Variants in POLN observed in about 807,000 individuals in gnomAD.
POLN encodes the protein DNA polymerase nu, also known as DNA polymerase N.
A neutral mutation model predicts 113.5 loss-of-function variants in POLN; 108 were observed. The observed-to-expected ratio is 0.95, with a 90% CI of 0.81 to 1.12. The LOEUF (loss-of-function observed/expected upper bound fraction) is 1.12. Among genes scored for constraint, POLN ranks in the 50% most tolerant of loss-of-function variants. POLN has a pLI of 0.00. For missense variants in POLN, 1,097 were observed against 1,077.1 expected (o/e 1.02, Z -0.26); for synonymous variants, 386 against 391.5 (o/e 0.99, Z 0.17).
At chr4:2,125,041 GGGCAAT>G in intron 19 of POLN, among the ~76,000 whole-genome samples, 1 of 152,184 alleles carries the variant, frequency 6.6e-6, no homozygotes, top group Non-Finnish European at 1.5e-5. Context: ...GTTATATTTA[GGGCAAT>G]CCTAAAGCAG....
chr4:2,104,115 GACAA>G lies in POLN; in HGVS notation c.1983-8186_1983-8183del, dbSNP rs1730991089. On this transcript the variant is annotated intron_variant, in intron 19 of 25. Transcript: ENST00000511885. ...CTACAGAATTTCACCAAACCACAAT[GACAA>G]ACAGAGAAAATGAAAGAAACAAATA... is the stretch of plus-strand genomic sequence containing the variant. Among the ~76,000 whole-genome samples the G allele has an allele frequency of 3.9e-5, 6 of 152,252 alleles. 1 individual carries two copies. The South Asian group carries it at 6.2e-4, about 16-fold the overall frequency.
chr4:2,216,265 G>A (rs371204617), intron 3 of POLN, among the ~76,000 whole-genome samples: 1 of 152,358 alleles, frequency 6.6e-6, no homozygotes, highest in Non-Finnish European at 1.5e-5. Context: ...TTTTCCCTTT[G>A]AGAGTCAAGA....
intron 2 of POLN, 90 bp downstream of exon 2, chr4:2,241,430 G>A (rs1357199877): frequency 1.1e-6 from 1 of 903,826 alleles, no homozygotes. Context: ...AAGCCACCAG[G>A]AGGCTAGGCA....
At chr4:2,141,302 G>A (rs1471195000) in intron 16 of POLN, among the ~76,000 whole-genome samples, 1 of 152,216 alleles carries the variant, frequency 6.6e-6, no homozygotes, top group Non-Finnish European at 1.5e-5. Context: ...CTTGGTCAGT[G>A]TGGCATTCAC....
chr4:2,130,310 G>A (rs1731693898), intron 17 of POLN, among the ~76,000 whole-genome samples: 1 of 148,408 alleles, frequency 6.7e-6, no homozygotes, highest in African/African-American at 2.5e-5. Flanking sequence ...GGGAGGGGAG[G>A]GGAGGGGAGA....
chr4:2,143,446 C>CA (rs1561034875), intron 16 of POLN, among the ~76,000 whole-genome samples: 1 of 152,104 alleles, frequency 6.6e-6, no homozygotes, highest in African/African-American at 2.4e-5. Flanking sequence ...ACAACTTAGA[C>CA]AAAATGGACC....
intron 20 of POLN, chr4:2,089,153 C>A: frequency 7.4e-7 from 1 of 1,354,056 alleles, no homozygotes; most frequent in South Asian, 1.3e-5. Context: ...ATATTTGAAT[C>A]TATTCCAGGA....
chr4:2,076,022 G>A (rs1466652165), intron 23 of POLN, among the ~76,000 whole-genome samples: 3 of 152,080 alleles, frequency 2.0e-5, no homozygotes, highest in Non-Finnish European at 2.9e-5. Context: ...CCGAGACCTC[G>A]CTCTGGTGAG....
intron 7 of POLN, among the ~76,000 whole-genome samples, chr4:2,192,114 CAAAA>C (rs772637540): frequency 1.5e-5 from 1 of 66,938 alleles, no homozygotes. Flanking sequence ...GACTCCATCT[CAAAA>C]AAAAAAAAAA....
At chr4:2,239,850 G>A (rs1734906253) in intron 2 of POLN, among the ~76,000 whole-genome samples, 1 of 152,174 alleles carries the variant, frequency 6.6e-6, no homozygotes, top group South Asian at 2.1e-4. Context: ...TACTATTGCT[G>A]CCCTCCATTA....
intron 19 of POLN, among the ~76,000 whole-genome samples, chr4:2,119,809 A>G (rs1324114148): frequency 6.6e-6 from 1 of 152,168 alleles, no homozygotes; most frequent in Non-Finnish European, 1.5e-5. Flanking sequence ...AACTAATTAT[A>G]GTATAAGTCA....
intron 3 of POLN, among the ~76,000 whole-genome samples, chr4:2,225,224 A>T (rs1444265155): frequency 6.6e-6 from 1 of 152,164 alleles, no homozygotes; most frequent in East Asian, 1.9e-4. Flanking sequence ...AGCAAAAAAA[A>T]CCTTGAACCT....
intron 16 of POLN, among the ~76,000 whole-genome samples, chr4:2,132,762 GAA>G (rs1394819847): frequency 1.3e-5 from 2 of 152,168 alleles, no homozygotes; most frequent in African/African-American, 4.8e-5. Flanking sequence ...GAAGGTGAGT[GAA>G]AGACATTCTC....
At position 2,208,115 on chromosome 4, in the gene POLN, G is replaced by A. The variant is rs1421679172; in HGVS notation, c.586C>T (p.His196Tyr). 2 of 1,614,170 alleles carry A rather than the reference G, an allele frequency of 1.2e-6. No homozygotes were observed. Among genetic ancestry groups the A allele is most frequent in the South Asian group, 1.1e-5 (1 of 91,084 alleles). ...NSGNSGALKK[H>Y]FCDIRHLDDW... is the part of the protein sequence containing the mutation. ...TCCAAATGCCTAATATCACAAAAAT[G>A]TTTTTTCAATGCTCCTGAGTTCCCA... is the stretch of plus-strand genomic sequence containing the variant. Residue 196 changes from histidine (H) to tyrosine (Y), a missense_variant, in exon 5 of 26, where the codon CAT becomes TAT. His to Tyr is a moderately conservative substitution (Grantham distance 83). Coordinates refer to ENST00000511885, the MANE Select transcript of POLN (RefSeq NM_181808.4).
At chr4:2,164,802 CAAAAAAAAAAAAAAAAAAAAA>C (rs33935159) in intron 13 of POLN, among the ~76,000 whole-genome samples, 77 of 28,726 alleles carry the variant, frequency 2.7e-3, no homozygotes, top group South Asian at 6.7e-3. Context: ...GACTCTGTCT[CAAAAAAAAAAAAAAAAAAAAA>C]AAAAAAAAAA....
chr4:2,188,340 C>T (rs1376479804), intron 7 of POLN, among the ~76,000 whole-genome samples: 4 of 152,188 alleles, frequency 2.6e-5, no homozygotes, highest in African/African-American at 9.7e-5. Context: ...GTGGCTCACG[C>T]CTGTAATCCC....
rs1255638596 is a variant in POLN at position 2,228,467 on chromosome 4, T to C, written c.133+632A>G. ...CATTCTCCTGCCTCAGCCTCCCAAG[T>C]AGCTGGACTACAGGCGCCTACCACC... On this transcript the variant is annotated intron_variant, in intron 3 of 25. Coordinates refer to ENST00000511885, the MANE Select transcript of POLN (RefSeq NM_181808.4). The C allele has an allele frequency of 1.9e-5, 4 of 211,858 alleles. No individual in the cohort carries two copies. In the East Asian group the frequency reaches 5.4e-4, roughly 28 times the overall value. The allele number at this position is 211,858 out of a possible 1,614,324, so 13.1% of individuals were successfully genotyped here.
At chr4:2,132,341 T>A (rs1174205221) in intron 16 of POLN, among the ~76,000 whole-genome samples, 4 of 152,180 alleles carry the variant, frequency 2.6e-5, no homozygotes, top group Non-Finnish European at 5.9e-5. Context: ...CAAGGACCTG[T>A]GGGCTAATAT....
chr4:2,225,232 C>A (rs189388464), intron 3 of POLN, among the ~76,000 whole-genome samples: 17 of 151,898 alleles, frequency 1.1e-4, no homozygotes, highest in Non-Finnish European at 2.4e-4. Context: ...AAACCTTGAA[C>A]CTTCTCACAA....
Sources: allele counts gnomAD v4.1 joint callset (sites outside exome capture counted in the v4.1 genomes callset), GRCh38; gene constraint gnomAD v4.1.1; transcripts MANE v1.5; gene names NCBI Gene and HGNC (gene_info 2026-07-23, HGNC 2026-07-21).